The following HPCAL1 variants were observed in gnomAD, a reference collection of about 807,000 sequenced individuals.
HPCAL1 encodes the protein hippocalcin-like protein 1.
A neutral mutation model predicts 17.1 loss-of-function variants in HPCAL1; 8 were observed. The observed-to-expected ratio is 0.47, with a 90% CI of 0.27 to 0.84. The LOEUF (loss-of-function observed/expected upper bound fraction) is 0.84. Ranked by LOEUF, HPCAL1 falls within the 40% of genes least tolerant of loss-of-function variation. The pLI is 0.13. For missense variants in HPCAL1, 165 were observed against 271.1 expected, an observed-to-expected ratio of 0.61 and a Z score of 2.75; for synonymous variants, 112 against 111.4, an observed-to-expected ratio of 1.01 and a Z score of -0.03.
At position 10,331,880 on chromosome 2, in the gene HPCAL1, G is replaced by C. The variant is rs1443647060; in HGVS notation, c.-111+28703G>C. On this transcript the variant is annotated intron_variant, in intron 1 of 4. Transcript: ENST00000307845. This position sits in a 1 kb window ranked among gnomAD's most constrained non-coding sequence, Gnocchi z 5.0. ...CCGTTGTCATTTACGAGACAGCCCT[G>C]TGTCACCTGTTGATTCAGAGGGAGC... Among the ~76,000 whole-genome samples, 6 of 152,092 alleles carry C rather than the reference G, an allele frequency of 3.9e-5. No individual in the cohort carries two copies. The highest frequency in any genetic ancestry group is 3.9e-4 in the East Asian group (2 of 5,162).
intron 1 of HPCAL1, among the ~76,000 whole-genome samples, chr2:10,386,050 T>A (rs940734005): frequency 6.6e-6 from 1 of 152,178 alleles, no homozygotes; most frequent in Non-Finnish European, 1.5e-5. Context: ...GACTTGCGTG[T>A]GACAAGCTGA....
intron 3 of HPCAL1, among the ~76,000 whole-genome samples, chr2:10,422,166 C>T (rs750885305): frequency 6.6e-5 from 10 of 152,344 alleles, no homozygotes; most frequent in Non-Finnish European, 1.3e-4. Context: ...AAAGCCTTCC[C>T]CCGACGCCAT....
At chr2:10,380,962 C>G (rs1160152433) in intron 1 of HPCAL1, among the ~76,000 whole-genome samples, 3 of 152,208 alleles carry the variant, frequency 2.0e-5, no homozygotes, top group Non-Finnish European at 4.4e-5. Context: ...CTAAATGAGA[C>G]TTCTATTCCA....
At chr2:10,314,098 C>T (rs1663151094) in intron 1 of HPCAL1, among the ~76,000 whole-genome samples, 1 of 150,484 alleles carries the variant, frequency 6.6e-6, no homozygotes, top group African/African-American at 2.5e-5. Context: ...TGAGCCACTA[C>T]ACTCCAGCCT....
chr2:10,400,471 G>A (rs1669529829), intron 2 of HPCAL1, among the ~76,000 whole-genome samples: 1 of 152,206 alleles, frequency 6.6e-6, no homozygotes, highest in Non-Finnish European at 1.5e-5. Context: ...CCCCAGGCTT[G>A]CCTCCCCTCT....
Position 10,363,864 on chromosome 2 carries a change from C to T in HPCAL1, c.-110-32971C>T, listed in dbSNP as rs1666674048. Reference sequence around the variant, plus strand: ...CTGTTAAGTGGCAATCTTGCCCCTTCTGTTTTAGGCACTGTCGGGGTTGCC... The same window carrying T: ...CTGTTAAGTGGCAATCTTGCCCCTTTTGTTTTAGGCACTGTCGGGGTTGCC... On this transcript the variant is annotated intron_variant, in intron 1 of 4. Transcript: ENST00000307845. The surrounding 1 kb of genome is among the most constrained non-coding windows in gnomAD (Gnocchi z 4.7). 6.6e-6 allele frequency among the ~76,000 whole-genome samples: 1 copy of T among 152,238 alleles called. No individual in the cohort carries two copies.
rs1437999154 is a variant in HPCAL1 at position 10,310,357 on chromosome 2, G to A, written c.-111+7180G>A. On this transcript the variant is annotated intron_variant, in intron 1 of 4. Coordinates refer to ENST00000307845, the MANE Select transcript of HPCAL1 (RefSeq NM_002149.4). The surrounding 1 kb of genome is among the most constrained non-coding windows in gnomAD (Gnocchi z 4.5). Reference sequence around the variant, plus strand: ...CTGCCATTACTCTTTAAGCATTCTTGGATCTAGTGCCTCCTCTGCCACTGA... The same window carrying A: ...CTGCCATTACTCTTTAAGCATTCTTAGATCTAGTGCCTCCTCTGCCACTGA... 1.3e-5 allele frequency among the ~76,000 whole-genome samples: 2 copies of A among 152,136 alleles called. No individual in the cohort carries two copies. The highest frequency in any genetic ancestry group is 2.9e-5 in the Non-Finnish European group (2 of 68,018).
At chr2:10,334,120 G>A (rs755920085) in intron 1 of HPCAL1, among the ~76,000 whole-genome samples, 4 of 152,142 alleles carry the variant, frequency 2.6e-5, no homozygotes, top group African/African-American at 7.2e-5. Flanking sequence ...ATATTTGTGC[G>A]CGTTTTACGC....
intron 1 of HPCAL1, among the ~76,000 whole-genome samples, chr2:10,317,738 T>C (rs1410239608): frequency 6.6e-6 from 1 of 152,232 alleles, no homozygotes; most frequent in Non-Finnish European, 1.5e-5. Flanking sequence ...TTATATATGG[T>C]TTGCCAGATC....
chr2:10,346,008 TGTGGGTGTGTCTGAGTGTGTGCCCTGGGG>T (rs1396733626), intron 1 of HPCAL1, among the ~76,000 whole-genome samples: 1 of 152,220 alleles, frequency 6.6e-6, no homozygotes, highest in Middle Eastern at 3.4e-3. Context: ...AGTGTGAGTG[TGTGGGTGTGTCTGAGTGTGTGCCCTGGGG>T]GTGTGTGTGT....
chr2:10,347,151 G>A (rs10197473), intron 1 of HPCAL1, among the ~76,000 whole-genome samples: 33,147 of 151,788 alleles, frequency 0.22, 4,128 homozygotes, highest in African/African-American at 0.34. Context: ...CACACAGGCC[G>A]GCCTCAGTGA....
intron 1 of HPCAL1, among the ~76,000 whole-genome samples, chr2:10,346,215 G>A (rs1219007846): frequency 2.6e-5 from 4 of 152,176 alleles, no homozygotes; most frequent in Admixed American, 6.5e-5. Flanking sequence ...GGGGGGTGAC[G>A]GGGAGAAAGT....
rs1420359177 is a variant in HPCAL1 at position 10,310,816 on chromosome 2, C to T, written c.-111+7639C>T. Among the ~76,000 whole-genome samples the T allele has an allele frequency of 1.3e-5, 2 of 152,098 alleles. No homozygotes were observed. Among genetic ancestry groups the T allele is most frequent in the African/African-American group, 2.4e-5 (1 of 41,390 alleles). ...GTACAGCAGTGTGTATCGACTGCAG[C>T]GCTCTTTTTCTCTAGCAGCAAAATG... On this transcript the variant is annotated intron_variant, in intron 1 of 4. Transcript: ENST00000307845. This position sits in a 1 kb window ranked among gnomAD's most constrained non-coding sequence, Gnocchi z 4.5.
In HPCAL1 at chr2:10,394,562, G is replaced by A. The variant is rs1379174946; in HGVS notation, c.-110-2273G>A. Among the ~76,000 whole-genome samples the A allele has an allele frequency of 2.6e-5, 4 of 152,184 alleles. No homozygotes were observed. The highest frequency in any genetic ancestry group is 4.4e-5 in the Non-Finnish European group (3 of 68,030). ...TATGTGATGCTGTAATGGTGGGTGC[G>A]CATCGGTACACGTTTGTCAAAGCCC... On this transcript the variant is annotated intron_variant, in intron 1 of 4. Transcript: ENST00000307845. The surrounding 1 kb of genome is among the most constrained non-coding windows in gnomAD (Gnocchi z 5.0).
At chr2:10,415,421 G>A (rs1572856131) in intron 2 of HPCAL1, among the ~76,000 whole-genome samples, 1 of 151,912 alleles carries the variant, frequency 6.6e-6, no homozygotes, top group African/African-American at 2.4e-5. Flanking sequence ...CCTCATAAGC[G>A]CTCCTAGGAC....
intron 1 of HPCAL1, among the ~76,000 whole-genome samples, chr2:10,351,709 T>C (rs954344564): frequency 6.6e-6 from 1 of 151,822 alleles, no homozygotes; most frequent in African/African-American, 2.4e-5. Context: ...CAGTGAGCCA[T>C]GATCGTGCCA....
intron 1 of HPCAL1, among the ~76,000 whole-genome samples, chr2:10,352,415 A>G (rs1665897077): frequency 1.3e-5 from 2 of 152,194 alleles, no homozygotes; most frequent in Admixed American, 1.3e-4. Context: ...GCTCTGCTAA[A>G]ACTTTTCCGT....
intron 1 of HPCAL1, among the ~76,000 whole-genome samples, chr2:10,355,258 T>C (rs1406686576): frequency 1.3e-5 from 2 of 151,706 alleles, no homozygotes; most frequent in Admixed American, 6.6e-5. Context: ...GAGACCATCC[T>C]GGCTAAAACG....
At chr2:10,340,114 G>T (rs1033840527) in intron 1 of HPCAL1, among the ~76,000 whole-genome samples, 2 of 152,230 alleles carry the variant, frequency 1.3e-5, no homozygotes, top group Non-Finnish European at 2.9e-5. Flanking sequence ...GGGTGTGCCT[G>T]CACCGCCTTC....
Sources: gnomAD v4.1 joint callset for allele counts (sites outside exome capture counted in the v4.1 genomes callset) on GRCh38, gnomAD v4.1.1 for gene constraint, Gnocchi (gnomAD v3.1) non-coding constraint, MANE v1.5 for transcripts, NCBI Gene and HGNC (gene_info 2026-07-23, HGNC 2026-07-21) for gene names.